SLC39A14: variants seen among roughly 807,000 people sequenced by gnomAD.
SLC39A14 encodes the protein metal cation symporter ZIP14.
Under a neutral mutation model 45.5 loss-of-function variants are expected in SLC39A14, and 19 were observed. That is an observed-to-expected ratio of 0.42 (90% CI 0.29 to 0.61). The LOEUF is 0.61. Ranked by LOEUF, SLC39A14 falls within the 20% of genes least tolerant of loss-of-function variation. The probability of loss-of-function intolerance (pLI) is 0.22; values close to 1 mark genes in which losing one functional copy is unlikely to be tolerated. For synonymous variants in SLC39A14, 264 were observed against 251.3 expected (o/e 1.05, Z -0.48); for missense variants, 447 against 616.5 (o/e 0.73, Z 2.91).
At chr8:22,399,805 G>A (rs1425803494) in intron 1 of SLC39A14, among the ~76,000 whole-genome samples, 1 of 152,254 alleles carries the variant, frequency 6.6e-6, no homozygotes, top group Non-Finnish European at 1.5e-5. Flanking sequence ...CTAGGTGAGT[G>A]CCAGCCAGGC....
intron 8 of SLC39A14, among the ~76,000 whole-genome samples, chr8:22,432,257 A>G (rs1836477373): frequency 1.3e-5 from 2 of 152,100 alleles, no homozygotes; most frequent in Non-Finnish European, 2.9e-5. Flanking sequence ...ACTTGAGCCC[A>G]GGGAGATAGA....
chr8:22,409,073 G>A (rs1484799063), intron 3 of SLC39A14, among the ~76,000 whole-genome samples: 1 of 151,988 alleles, frequency 6.6e-6, no homozygotes, highest in African/African-American at 2.4e-5. Flanking sequence ...CTCCTGCCTC[G>A]GCCTCCCAAA....
chr8:22,382,801 G>A lies in SLC39A14; in HGVS notation c.-16+15393G>A, dbSNP rs1163820655. Reference sequence around the variant, plus strand: ...GTAATCTCACCTCACCATAGCCTCCGCCTCCCAGGCTCAAGCAATCCTCCT... The same window carrying A: ...GTAATCTCACCTCACCATAGCCTCCACCTCCCAGGCTCAAGCAATCCTCCT... On this transcript the variant is annotated intron_variant, in intron 1 of 8. Transcript: ENST00000381237. Among the ~76,000 whole-genome samples, 4 of 152,028 alleles carry A rather than the reference G, an allele frequency of 2.6e-5. No individual in the cohort carries two copies. In the East Asian group the frequency reaches 7.7e-4, roughly 29 times the overall value.
At chr8:22,431,444 C>A (rs1836465643) in intron 8 of SLC39A14, among the ~76,000 whole-genome samples, 1 of 152,186 alleles carries the variant, frequency 6.6e-6, no homozygotes, top group Admixed American at 6.5e-5. Flanking sequence ...TTAATGGCTT[C>A]ATATAAATAG....
In SLC39A14 at chr8:22,420,460, A is replaced by T. The variant is rs1363560832; in HGVS notation, c.*762A>T. ...CCTCTTTCAGGTTAACGCTGACAGA[A>T]TGGAGGCTCAGGCTGTCTGCAAGAA... On this transcript the variant is annotated 3_prime_UTR_variant, in exon 9 of 9. Coordinates refer to ENST00000381237, the MANE Select transcript of SLC39A14 (RefSeq NM_001128431.4). 1.0e-6 allele frequency: 1 copy of T among 985,422 alleles called. No individual in the cohort carries two copies. Among genetic ancestry groups the T allele is most frequent in the East Asian group, 1.1e-4 (1 of 8,818 alleles). 61.0% of individuals were successfully genotyped at this position (985,422 alleles called of 1,614,324 possible). A position where few individuals can be genotyped will look rare whatever the true frequency, so the allele number is the denominator to read the frequency against.
intron 8 of SLC39A14, among the ~76,000 whole-genome samples, chr8:22,430,620 G>A (rs1836451635): frequency 6.6e-6 from 1 of 152,086 alleles, no homozygotes. Flanking sequence ...CTGCAATGAT[G>A]CAAACAACAA....
At chr8:22,423,786 T>TTCTCTCTCTCTCTCTCTCTC (rs58420252), downstream of SLC39A14, among the ~76,000 whole-genome samples, 1,775 of 122,200 alleles carry the variant, frequency 0.015, 85 homozygotes, top group Non-Finnish European at 0.02. Context: ...TTTAATTGGT[T>TTCTCTCTCTCTCTCTCTCTC]TCTCTCTCTC....
intron 1 of SLC39A14, among the ~76,000 whole-genome samples, chr8:22,389,037 G>GCTGGA (rs1486417671): frequency 6.6e-6 from 1 of 152,208 alleles, no homozygotes; most frequent in Admixed American, 6.5e-5. Flanking sequence ...CAGGGGCTGG[G>GCTGGA]CTGGAAGGGG....
At chr8:22,397,054 T>G (rs1834529337) in intron 1 of SLC39A14, among the ~76,000 whole-genome samples, 1 of 152,180 alleles carries the variant, frequency 6.6e-6, no homozygotes, top group Non-Finnish European at 1.5e-5. Flanking sequence ...TCTTAAGTCT[T>G]TAGTGTTTCA....
chr8:22,408,861 C>T (rs528270500), intron 3 of SLC39A14, among the ~76,000 whole-genome samples: 1 of 143,010 alleles, frequency 7.0e-6, no homozygotes, highest in South Asian at 2.3e-4. Context: ...CGCTCTGTCT[C>T]CGAGGCTGGA....
chr8:22,400,586 G>C (rs1174529435), intron 1 of SLC39A14, among the ~76,000 whole-genome samples: 1 of 152,194 alleles, frequency 6.6e-6, no homozygotes, highest in African/African-American at 2.4e-5. Context: ...GGAGATTTGA[G>C]AGTTGTGAAT....
intron 1 of SLC39A14, among the ~76,000 whole-genome samples, chr8:22,387,644 C>A (rs528123329): frequency 6.6e-6 from 1 of 152,158 alleles, no homozygotes; most frequent in African/African-American, 2.4e-5. Context: ...CTTGTGTGAG[C>A]GGGTGTTGGA....
chr8:22,402,062 T>C (rs936226960), intron 1 of SLC39A14, among the ~76,000 whole-genome samples: 2 of 152,198 alleles, frequency 1.3e-5, no homozygotes, highest in Non-Finnish European at 2.9e-5. Context: ...GATTTATATA[T>C]TTTCCTTATC....
At chr8:22,381,135 G>A (rs1286697584) in intron 1 of SLC39A14, among the ~76,000 whole-genome samples, 10 of 152,138 alleles carry the variant, frequency 6.6e-5, no homozygotes, top group South Asian at 2.1e-4. Context: ...CACCATGCCC[G>A]GCTAATTTTT....
Position 22,420,736 on chromosome 8 carries a change from A to C in SLC39A14, c.*1038A>C. The stretch of plus-strand genomic sequence containing the variant: ...AATGGAATCAGTGCAGGCAAAATTT[A>C]GGATTTGCCGCTTCCATAAATCAAA... On this transcript the variant is annotated 3_prime_UTR_variant, in exon 9 of 9. Transcript: ENST00000381237. 1.0e-6 allele frequency: 1 copy of C among 985,442 alleles called. No individual in the cohort carries two copies. The highest frequency in any genetic ancestry group is 1.2e-6 in the Non-Finnish European group (1 of 829,930). The allele number at this position is 985,442 out of a possible 1,614,324, so 61.0% of individuals were successfully genotyped here. A position where few individuals can be genotyped will look rare whatever the true frequency, so the allele number is the denominator to read the frequency against.
chr8:22,426,912 T>C (rs1284015829), downstream of SLC39A14, among the ~76,000 whole-genome samples: 1 of 151,974 alleles, frequency 6.6e-6, no homozygotes, highest in Admixed American at 6.5e-5. Context: ...CTTGAATTCC[T>C]GACCTCAGGT....
chr8:22,426,718 C>G (rs1586762235), downstream of SLC39A14, among the ~76,000 whole-genome samples: 1 of 152,046 alleles, frequency 6.6e-6, no homozygotes, highest in East Asian at 2.0e-4. Flanking sequence ...GAGTCTCACT[C>G]TGTTGCCCAG....
At chr8:22,423,374 T>C (rs55885904), downstream of SLC39A14, among the ~76,000 whole-genome samples, 53,117 of 148,872 alleles carry the variant, frequency 0.36, 9,967 homozygotes, top group East Asian at 0.6. Context: ...CTCACTCTAT[T>C]GCCCAGGCTG....
chr8:22,407,192 A>G (rs892572691), intron 2 of SLC39A14, among the ~76,000 whole-genome samples: 4 of 152,154 alleles, frequency 2.6e-5, no homozygotes, highest in African/African-American at 9.7e-5. Flanking sequence ...TGTGGGGCTG[A>G]TCGGGCAGCA....
Sources: allele counts gnomAD v4.1 joint callset (sites outside exome capture counted in the v4.1 genomes callset), GRCh38; gene constraint gnomAD v4.1.1; transcripts MANE v1.5; gene names NCBI Gene and HGNC (gene_info 2026-07-23, HGNC 2026-07-21).